PGM5: variants seen among roughly 807,000 people sequenced by gnomAD.
The protein encoded by PGM5 is phosphoglucomutase 5, also known as phosphoglucomutase-like protein 5.
A neutral mutation model predicts 59.2 loss-of-function variants in PGM5; 23 were observed. That is an observed-to-expected ratio of 0.39 (90% CI 0.28 to 0.55). The LOEUF (loss-of-function observed/expected upper bound fraction) is 0.55. Among genes scored for constraint, PGM5 ranks in the 20% least tolerant of loss-of-function variants. PGM5 has a pLI of 0.66. For synonymous variants in PGM5, 214 were observed against 286.0 expected, an observed-to-expected ratio of 0.75 and a Z score of 2.54; for missense variants, 574 against 748.3, an observed-to-expected ratio of 0.77 and a Z score of 2.72.
intron 3 of PGM5, among the ~76,000 whole-genome samples, chr9:68,386,729 T>C (rs2480149): frequency 2.8e-4 from 42 of 152,012 alleles, no homozygotes. Context: ...AAGTACTTTC[T>C]GAGCATTAAT....
chr9:68,366,972 G>C (rs1214689420), intron 1 of PGM5, among the ~76,000 whole-genome samples: 1 of 152,154 alleles, frequency 6.6e-6, no homozygotes, highest in Non-Finnish European at 1.5e-5. Context: ...GGTGATCACA[G>C]TTGCTTTGGT....
intron 1 of PGM5, among the ~76,000 whole-genome samples, chr9:68,363,952 A>G (rs1834632507): frequency 6.6e-6 from 1 of 152,230 alleles, no homozygotes; most frequent in Non-Finnish European, 1.5e-5. Context: ...GTGTATGGTC[A>G]ACTGAATATA....
chr9:68,361,617 C>T (rs553698273), intron 1 of PGM5, among the ~76,000 whole-genome samples: 2 of 152,348 alleles, frequency 1.3e-5, no homozygotes, highest in Admixed American at 6.5e-5. Context: ...TTGCTGGGCC[C>T]TCACATAGTG....
chr9:68,515,293 C>T (rs1325620969), intron 10 of PGM5, among the ~76,000 whole-genome samples: 3 of 152,136 alleles, frequency 2.0e-5, no homozygotes, highest in Admixed American at 6.5e-5. Context: ...AGAGTCTCTC[C>T]TCGTTTACAG....
At chr9:68,363,050 A>G (rs1834611449) in intron 1 of PGM5, among the ~76,000 whole-genome samples, 1 of 150,538 alleles carries the variant, frequency 6.6e-6, no homozygotes, top group African/African-American at 2.4e-5. Context: ...TTGTATTTTT[A>G]CTAGAGACGG....
intron 6 of PGM5, among the ~76,000 whole-genome samples, chr9:68,415,229 A>G (rs1823004100): frequency 6.7e-6 from 1 of 149,370 alleles, no homozygotes; most frequent in Non-Finnish European, 1.5e-5. Context: ...AACCTGGGCC[A>G]GGTCAAAGTC....
chr9:68,477,054 G>GT (rs1259990419), intron 7 of PGM5, among the ~76,000 whole-genome samples: 2 of 152,068 alleles, frequency 1.3e-5, no homozygotes, highest in Admixed American at 6.5e-5. Context: ...TCCTAAACTT[G>GT]TTTTTTGGCA....
intron 7 of PGM5, among the ~76,000 whole-genome samples, chr9:68,474,207 G>A (rs1345945589): frequency 6.6e-6 from 1 of 152,160 alleles, no homozygotes; most frequent in Non-Finnish European, 1.5e-5. Context: ...TGATTCTAAT[G>A]TGCAGTGCAG....
At chr9:68,523,841 G>T (rs1824932923) in intron 10 of PGM5, among the ~76,000 whole-genome samples, 1 of 152,186 alleles carries the variant, frequency 6.6e-6, no homozygotes, top group African/African-American at 2.4e-5. Context: ...GACAAATCTT[G>T]CTTGATAAGT....
intron 6 of PGM5, among the ~76,000 whole-genome samples, chr9:68,425,822 A>G (rs1823227377): frequency 6.6e-6 from 1 of 152,204 alleles, no homozygotes; most frequent in Non-Finnish European, 1.5e-5. Context: ...TAAACTCAGG[A>G]CACAAAAAGC....
intron 10 of PGM5, among the ~76,000 whole-genome samples, chr9:68,516,466 G>A (rs1038090120): frequency 4.6e-5 from 7 of 152,178 alleles, no homozygotes; most frequent in East Asian, 3.9e-4. Context: ...TGTGCTGCTT[G>A]TAACTGGTTA....
chr9:68,455,809 G>A (rs1221465549), intron 6 of PGM5, among the ~76,000 whole-genome samples: 4 of 152,180 alleles, frequency 2.6e-5, no homozygotes, highest in African/African-American at 9.7e-5. Flanking sequence ...GAGCTGGAAC[G>A]ATATCCCACT....
intron 8 of PGM5, among the ~76,000 whole-genome samples, chr9:68,482,360 C>G (rs181868809): frequency 6.6e-6 from 1 of 152,028 alleles, no homozygotes; most frequent in East Asian, 1.9e-4. Context: ...AGAATATATG[C>G]CCTGCTGAAA....
At chr9:68,433,523 T>G (rs2132057705) in intron 6 of PGM5, among the ~76,000 whole-genome samples, 1 of 152,368 alleles carries the variant, frequency 6.6e-6, no homozygotes, top group East Asian at 1.9e-4. Context: ...GACTTTTTCT[T>G]TCACAGTTTT....
intron 10 of PGM5, among the ~76,000 whole-genome samples, chr9:68,521,455 G>T (rs1362998460): frequency 6.6e-6 from 1 of 152,214 alleles, no homozygotes; most frequent in Non-Finnish European, 1.5e-5. Context: ...TAACAAACTG[G>T]AGAGGCAAAG....
chr9:68,485,064 C>T (rs1246378613), intron 9 of PGM5, among the ~76,000 whole-genome samples: 1 of 152,176 alleles, frequency 6.6e-6, no homozygotes, highest in Non-Finnish European at 1.5e-5. Context: ...AATCCGCACT[C>T]AGTTATGGAT....
intron 10 of PGM5, among the ~76,000 whole-genome samples, chr9:68,513,881 G>A (rs1020231039): frequency 3.3e-5 from 5 of 152,150 alleles, no homozygotes; most frequent in Admixed American, 2.6e-4. Flanking sequence ...GAATCAAGCC[G>A]CTGGCTCTGA....
chr9:68,385,560 C>T (rs1168754119), intron 3 of PGM5, among the ~76,000 whole-genome samples: 9 of 152,146 alleles, frequency 5.9e-5, no homozygotes, highest in South Asian at 2.1e-4. Flanking sequence ...AGCCATGATA[C>T]TCACTGGAAG....
At chr9:68,465,981 G>C (rs781853263) in intron 7 of PGM5, among the ~76,000 whole-genome samples, 16 of 151,966 alleles carry the variant, frequency 1.1e-4, no homozygotes, top group Admixed American at 4.6e-4. Flanking sequence ...GTTTGTTGTT[G>C]TTCATTAATT....
Sources: allele counts gnomAD v4.1 joint callset (sites outside exome capture counted in the v4.1 genomes callset), GRCh38; gene constraint gnomAD v4.1.1; transcripts MANE v1.5; gene names NCBI Gene and HGNC (gene_info 2026-07-23, HGNC 2026-07-21).